VPS13B: variants seen among roughly 807,000 people sequenced by gnomAD.
The protein encoded by VPS13B is vacuolar protein sorting 13 homolog B.
VPS13B carries 285 observed loss-of-function variants against 426.4 expected under a neutral mutation model. That is an observed-to-expected ratio of 0.67 (90% confidence interval 0.61 to 0.74). The LOEUF is 0.74. Ranked by LOEUF, VPS13B falls within the 30% of genes least tolerant of loss-of-function variation. VPS13B has a pLI of 0.00. For synonymous variants in VPS13B, 1,676 were observed against 1,676.4 expected (o/e 1.00, Z 0.01); for missense variants, 4,537 against 4,782.6 (o/e 0.95, Z 1.51).
At chr8:99,310,978 C>G (rs1820934186) in intron 19 of VPS13B, among the ~76,000 whole-genome samples, 1 of 152,154 alleles carries the variant, frequency 6.6e-6, no homozygotes, top group Non-Finnish European at 1.5e-5. Flanking sequence ...ATAATATTCT[C>G]TGATGGTAGT....
At chr8:99,596,378 A>G (rs1173738903) in intron 33 of VPS13B, among the ~76,000 whole-genome samples, 2 of 151,928 alleles carry the variant, frequency 1.3e-5, no homozygotes, top group East Asian at 3.9e-4. Flanking sequence ...TCACTTGGAG[A>G]CTGTTTTAGC....
intron 3 of VPS13B, among the ~76,000 whole-genome samples, chr8:99,063,046 C>T (rs1844275874): frequency 6.6e-6 from 1 of 152,020 alleles, no homozygotes; most frequent in Non-Finnish European, 1.5e-5. Context: ...TCTTTTATAG[C>T]AATAGTGAAA....
At chr8:99,833,044 C>A (rs1471699535) in intron 52 of VPS13B, among the ~76,000 whole-genome samples, 5 of 152,142 alleles carry the variant, frequency 3.3e-5, no homozygotes, top group Non-Finnish European at 5.9e-5. Context: ...AAAATATGAG[C>A]AAGTCAAGTT....
Position 99,213,475 on chromosome 8 carries a change from A to G in VPS13B, c.2515+20418A>G, listed in dbSNP as rs189178806. On this transcript the variant is annotated intron_variant, in intron 17 of 61. Coordinates refer to ENST00000357162, the MANE Select transcript of VPS13B (RefSeq NM_152564.5). ...TAAAATGGCTAATAATTTTTTCCCT[A>G]TCTGACTTGACCTGCTTTTTAGATC... Among the ~76,000 whole-genome samples, 3 of 152,304 alleles carry G rather than the reference A, an allele frequency of 2.0e-5. No individual in the cohort carries two copies. In the East Asian group the frequency reaches 5.8e-4, roughly 29 times the overall value.
At chr8:99,466,396 T>C (rs1373925700) in intron 23 of VPS13B, among the ~76,000 whole-genome samples, 1 of 152,136 alleles carries the variant, frequency 6.6e-6, no homozygotes, top group Admixed American at 6.6e-5. Context: ...TTATACTCTC[T>C]GTACTGACAA....
At chr8:99,868,550 CT>C in intron 59 of VPS13B, 85 bp downstream of exon 59, 2 of 1,492,816 alleles carry the variant, frequency 1.3e-6, no homozygotes, top group Non-Finnish European at 1.8e-6. Flanking sequence ...ATAGTGTAAC[CT>C]TTCACATGGC....
intron 28 of VPS13B, chr8:99,507,953 C>T (rs1821588037): frequency 6.2e-7 from 1 of 1,613,484 alleles, no homozygotes; most frequent in Non-Finnish European, 8.5e-7. Context: ...CTCCCATTAA[C>T]AGGAACCCAG....
intron 3 of VPS13B, among the ~76,000 whole-genome samples, chr8:99,072,720 T>C (rs924547898): frequency 6.6e-6 from 1 of 152,196 alleles, no homozygotes; most frequent in East Asian, 1.9e-4. Context: ...TTAATAGTTT[T>C]ATAGTTTCAG....
At chr8:99,188,098 A>G (rs1326382887) in intron 16 of VPS13B, among the ~76,000 whole-genome samples, 2 of 111,890 alleles carry the variant, frequency 1.8e-5, no homozygotes, top group African/African-American at 6.5e-5. Flanking sequence ...TGGTATTTGA[A>G]TCAGTTTTGC....
intron 19 of VPS13B, among the ~76,000 whole-genome samples, chr8:99,303,730 CA>C (rs58708195): frequency 2.3e-3 from 148 of 63,704 alleles, no homozygotes; most frequent in African/African-American, 7.8e-3. Flanking sequence ...GACTCCGTCT[CA>C]AAAAAAAAAA....
chr8:99,740,219 A>C (rs1240033138), intron 39 of VPS13B, among the ~76,000 whole-genome samples: 1 of 152,230 alleles, frequency 6.6e-6, no homozygotes, highest in Admixed American at 6.5e-5. Flanking sequence ...AAGAAAGGGT[A>C]TCAGTGATGG....
chr8:99,786,171 G>A (rs1812255026), intron 43 of VPS13B, among the ~76,000 whole-genome samples: 1 of 151,996 alleles, frequency 6.6e-6, no homozygotes, highest in Non-Finnish European at 1.5e-5. Flanking sequence ...GTGGAGAGGA[G>A]GTCAGCAGGA....
chr8:99,832,562 G>A lies in VPS13B; in HGVS notation c.9524G>A (p.Trp3175Ter), dbSNP rs2130858306. ...CCAGGTGCTGACAGCTCACAGTGCTGGAGCCTGCCAGCTATAGTTAGACCA... is the reference window on the plus strand; with the variant it reads ...CCAGGTGCTGACAGCTCACAGTGCTAGAGCCTGCCAGCTATAGTTAGACCA... ...PAPGADSSQC[W>*]SLPAIVRPEF... Residue 3175 changes from tryptophan (W) to a stop codon, truncating the protein, a stop_gained, in exon 52 of 62, where the codon TGG (tryptophan) becomes TAG (stop). Transcript: ENST00000357162. LOFTEE classifies it high-confidence loss of function. The A allele has an allele frequency of 1.2e-6, 2 of 1,613,854 alleles. No individual in the cohort carries two copies. The highest frequency in any genetic ancestry group is 1.7e-6 in the Non-Finnish European group (2 of 1,179,982).
chr8:99,052,099 G>A (rs1278371258), intron 3 of VPS13B, among the ~76,000 whole-genome samples: 1 of 147,842 alleles, frequency 6.8e-6, no homozygotes, highest in African/African-American at 2.5e-5. Context: ...GGGCATCCCT[G>A]TCTTGTGCCA....
At chr8:99,828,364 G>A (rs1250363395) in intron 51 of VPS13B, among the ~76,000 whole-genome samples, 1 of 62,862 alleles carries the variant, frequency 1.6e-5, no homozygotes, top group Admixed American at 1.7e-4. Context: ...TTTAAAGTCT[G>A]TTTTATCAGA....
chr8:99,224,283 A>G (rs1194999750), intron 17 of VPS13B, among the ~76,000 whole-genome samples: 2 of 152,204 alleles, frequency 1.3e-5, no homozygotes, highest in Admixed American at 6.5e-5. Context: ...TCATAGAAAC[A>G]TATGGAAACA....
intron 19 of VPS13B, among the ~76,000 whole-genome samples, chr8:99,293,213 A>G (rs1588215293): frequency 7.3e-6 from 1 of 136,422 alleles, no homozygotes; most frequent in East Asian, 2.1e-4. Flanking sequence ...AATGGAACAG[A>G]ACAGAGCCCT....
intron 3 of VPS13B, among the ~76,000 whole-genome samples, chr8:99,042,870 G>A (rs1843036056): frequency 6.6e-6 from 1 of 152,182 alleles, no homozygotes; most frequent in African/African-American, 2.4e-5. Flanking sequence ...ACTCTTGACT[G>A]TGGCATTTTA....
intron 17 of VPS13B, among the ~76,000 whole-genome samples, chr8:99,267,596 G>T (rs776678851): frequency 2.6e-5 from 4 of 151,708 alleles, no homozygotes; most frequent in Middle Eastern, 3.2e-3. Context: ...GCATGGTAGC[G>T]CATGCCTATA....
Sources: allele counts gnomAD v4.1 joint callset (sites outside exome capture counted in the v4.1 genomes callset), GRCh38; gene constraint gnomAD v4.1.1; transcripts MANE v1.5; gene names NCBI Gene and HGNC (gene_info 2026-07-23, HGNC 2026-07-21).